Variants in CPA6 observed in about 807,000 individuals in gnomAD.
CPA6 encodes the protein carboxypeptidase A6, also known as carboxypeptidase B.
CPA6 carries 58 observed loss-of-function variants against 63.3 expected under a neutral mutation model. The ratio of observed to expected loss-of-function variants is 0.92; its 90% confidence interval spans 0.74 to 1.14. CPA6 has a LOEUF of 1.14. Ranked by LOEUF, CPA6 falls within the 50% of genes most tolerant of loss-of-function variation. The pLI is 0.00. For missense variants in CPA6, 565 were observed against 526.6 expected (o/e 1.07, Z -0.71); for synonymous variants, 185 against 179.0 (o/e 1.03, Z -0.27).
At chr8:67,707,843 G>A (rs1232084369) in intron 1 of CPA6, among the ~76,000 whole-genome samples, 1 of 151,770 alleles carries the variant, frequency 6.6e-6, no homozygotes, top group Non-Finnish European at 1.5e-5. Context: ...GGACCTGGGA[G>A]GAAGCAGTGG....
At chr8:67,534,755 G>C (rs1812549503) in intron 2 of CPA6, among the ~76,000 whole-genome samples, 1 of 151,900 alleles carries the variant, frequency 6.6e-6, no homozygotes. Flanking sequence ...CTAAGATAAC[G>C]TGTGCAGAAC....
chr8:67,531,794 A>C (rs1293112551), intron 2 of CPA6, among the ~76,000 whole-genome samples: 1 of 152,210 alleles, frequency 6.6e-6, no homozygotes, highest in East Asian at 1.9e-4. Context: ...AATGCTTACA[A>C]AAATTGACCC....
rs1381621249 is a variant in CPA6 at position 67,422,508 on chromosome 8, G to A, written c.1310C>T (p.Pro437Leu). The stretch of plus-strand genomic sequence containing the variant: ...TGACCTGAGCCTTGGGCTGTCTCAG[G>A]GACATTTCTTTAGCAGGTGCATTGT... ...NITMHLLKKC[P>L] Residue 437 changes from proline (P) to leucine (L), a missense_variant, in exon 11 of 11, where the codon CCC becomes CTC. Physicochemically the swap from Pro to Leu is moderately conservative, Grantham distance 98. Coordinates refer to ENST00000297770, the MANE Select transcript of CPA6 (RefSeq NM_020361.5). 6.2e-7 allele frequency: 1 copy of A among 1,613,628 alleles called. No individual in the cohort carries two copies. Among genetic ancestry groups the A allele is most frequent in the South Asian group, 1.1e-5 (1 of 90,994 alleles).
chr8:67,670,115 A>G (rs1030504750), intron 1 of CPA6, among the ~76,000 whole-genome samples: 1 of 152,230 alleles, frequency 6.6e-6, no homozygotes, highest in African/African-American at 2.4e-5. Flanking sequence ...ATACATGCCT[A>G]TTAGCACACG....
chr8:67,511,291 C>T (rs1483616800), intron 4 of CPA6, among the ~76,000 whole-genome samples: 1 of 152,034 alleles, frequency 6.6e-6, no homozygotes, highest in Non-Finnish European at 1.5e-5. Flanking sequence ...TTCCTATGTC[C>T]TATGTAAAAG....
chr8:67,730,829 CAGAAG>C (rs1198402873), intron 1 of CPA6, among the ~76,000 whole-genome samples: 10 of 152,258 alleles, frequency 6.6e-5, no homozygotes, highest in Non-Finnish European at 1.5e-4. Context: ...ATACAATGAA[CAGAAG>C]AATCTTTGGA....
chr8:67,501,917 T>C (rs1286252954), intron 6 of CPA6, among the ~76,000 whole-genome samples: 2 of 152,214 alleles, frequency 1.3e-5, no homozygotes, highest in African/African-American at 4.8e-5. Context: ...ATATTTGTAA[T>C]AGTTATAGGG....
chr8:67,527,674 A>G (rs1812393235), intron 2 of CPA6, among the ~76,000 whole-genome samples: 1 of 152,234 alleles, frequency 6.6e-6, no homozygotes, highest in African/African-American at 2.4e-5. Context: ...GAAGATCAGA[A>G]AAAAGGCTCT....
At chr8:67,596,201 G>C (rs1000995427) in intron 2 of CPA6, among the ~76,000 whole-genome samples, 10 of 152,060 alleles carry the variant, frequency 6.6e-5, no homozygotes, top group African/African-American at 2.4e-4. Context: ...ATTTCCTTTA[G>C]TGAGTATCTG....
At chr8:67,658,267 T>C (rs1244928736) in intron 1 of CPA6, among the ~76,000 whole-genome samples, 1 of 152,230 alleles carries the variant, frequency 6.6e-6, no homozygotes, top group Admixed American at 6.5e-5. Context: ...ATTGTGCTGA[T>C]TGTAATGCTT....
intron 6 of CPA6, among the ~76,000 whole-genome samples, chr8:67,498,967 T>A (rs1033226380): frequency 1.3e-5 from 2 of 152,228 alleles, no homozygotes; most frequent in African/African-American, 4.8e-5. Flanking sequence ...TTGTGGTATA[T>A]CTGGCATTTA....
chr8:67,713,203 C>T (rs959707830), intron 1 of CPA6, among the ~76,000 whole-genome samples: 11 of 146,102 alleles, frequency 7.5e-5, no homozygotes, highest in East Asian at 2.0e-4. Context: ...ACATATCCCC[C>T]GTGAACAAGG....
chr8:67,440,120 A>G (rs913589293), intron 8 of CPA6, among the ~76,000 whole-genome samples: 1 of 152,202 alleles, frequency 6.6e-6, no homozygotes, highest in African/African-American at 2.4e-5. Context: ...CTTGAGGCTA[A>G]AAGTCTGGAA....
At chr8:67,533,532 C>G (rs940071128) in intron 2 of CPA6, among the ~76,000 whole-genome samples, 7 of 152,192 alleles carry the variant, frequency 4.6e-5, no homozygotes, top group African/African-American at 1.7e-4. Context: ...ATCAGCTGTC[C>G]TATCATCTCC....
chr8:67,698,579 G>A (rs928450802), intron 1 of CPA6, among the ~76,000 whole-genome samples: 30 of 152,254 alleles, frequency 2.0e-4, no homozygotes, highest in African/African-American at 6.3e-4. Flanking sequence ...TCTGTTTGCT[G>A]TCAGCATCAA....
At chr8:67,669,053 G>C (rs4737848) in intron 1 of CPA6, among the ~76,000 whole-genome samples, 6 of 152,192 alleles carry the variant, frequency 3.9e-5, no homozygotes, top group Non-Finnish European at 8.8e-5. Context: ...AGAATCACTC[G>C]CGGGTCAATG....
At chr8:67,723,016 C>T (rs1234261301) in intron 1 of CPA6, among the ~76,000 whole-genome samples, 1 of 151,966 alleles carries the variant, frequency 6.6e-6, no homozygotes, top group Non-Finnish European at 1.5e-5. Flanking sequence ...CAGCACATTT[C>T]CAAAATAGAA....
rs577070772 is a variant in CPA6, at chr8:67,743,881, G to C, written c.116+2133C>G. ...ATTTTTACATGAATGCAAGAACTAG[G>C]GCTGCCCCTTCATTAGTAGCAAAAA... On this transcript the variant is annotated intron_variant, in intron 1 of 10. Transcript: ENST00000297770. Among the ~76,000 whole-genome samples the C allele has an allele frequency of 5.3e-5, 8 of 152,110 alleles. No homozygotes were observed. The South Asian group carries it at 1.7e-3, about 32-fold the overall frequency.
At chr8:67,719,330 C>G (rs988625637) in intron 1 of CPA6, among the ~76,000 whole-genome samples, 1 of 152,022 alleles carries the variant, frequency 6.6e-6, no homozygotes, top group African/African-American at 2.4e-5. Flanking sequence ...TGAGGGGTAG[C>G]ATCCCGAGTG....
Sources: gnomAD v4.1 joint callset for allele counts (sites outside exome capture counted in the v4.1 genomes callset) on GRCh38, gnomAD v4.1.1 for gene constraint, MANE v1.5 for transcripts, NCBI Gene and HGNC (gene_info 2026-07-23, HGNC 2026-07-21) for gene names.